The following POLA1 variants were observed in gnomAD, a reference collection of about 807,000 sequenced individuals.
POLA1 encodes the protein DNA polymerase alpha 1, catalytic subunit, also known as DNA polymerase alpha catalytic subunit.
In POLA1, 15 loss-of-function variants were observed where a neutral mutation model predicts 124.0. That is an observed-to-expected ratio of 0.12 (90% confidence interval 0.08 to 0.19). POLA1 has a LOEUF of 0.19. Ranked by LOEUF, POLA1 falls within the 10% of genes least tolerant of loss-of-function variation. The pLI, the probability that POLA1 is intolerant of heterozygous loss-of-function variation, is 1.00. For missense variants in POLA1, 886 were observed against 1,103.4 expected, an observed-to-expected ratio of 0.80 and a Z score of 2.79; for synonymous variants, 408 against 389.4, an observed-to-expected ratio of 1.05 and a Z score of -0.56.
At chrX:24,989,185 T>G (rs1484701909) in intron 36 of POLA1, among the ~76,000 whole-genome samples, 3 of 111,530 alleles carry the variant, frequency 2.7e-5, no homozygotes, top group African/African-American at 9.8e-5. Flanking sequence ...GGGGGCAGTA[T>G]AAACTTATCA....
At chrX:24,705,063 T>C (rs982089693) in intron 4 of POLA1, among the ~76,000 whole-genome samples, 4 of 111,025 alleles carry the variant, frequency 3.6e-5, no homozygotes, top group African/African-American at 1.3e-4. Flanking sequence ...TACTGAGTGG[T>C]AGATTGGGGT....
intron 36 of POLA1, among the ~76,000 whole-genome samples, chrX:24,985,073 A>G (rs1245771591): frequency 8.9e-6 from 1 of 112,040 alleles, no homozygotes; most frequent in Non-Finnish European, 1.9e-5. Context: ...GGCGTTGTGA[A>G]AAGCCTCTTT....
intron 24 of POLA1, among the ~76,000 whole-genome samples, chrX:24,746,968 A>G (rs1455016600): frequency 2.7e-5 from 3 of 111,657 alleles, no homozygotes; most frequent in Non-Finnish European, 5.6e-5. Context: ...AAAATGGTCT[A>G]ATGCTTCCCC....
intron 36 of POLA1, among the ~76,000 whole-genome samples, chrX:24,976,730 T>A (rs73473549): frequency 0.042 from 4,711 of 112,332 alleles, 249 homozygotes; most frequent in African/African-American, 0.14. Context: ...AGTTCATATG[T>A]CTGGTTACAA....
intron 36 of POLA1, among the ~76,000 whole-genome samples, chrX:24,938,529 T>C (rs1569369453): frequency 8.9e-6 from 1 of 112,433 alleles, no homozygotes; most frequent in East Asian, 2.8e-4. Flanking sequence ...ATTACAACAT[T>C]GATTTAGTAG....
intron 36 of POLA1, among the ~76,000 whole-genome samples, chrX:24,951,462 C>G (rs2048043228): frequency 9.5e-6 from 1 of 105,609 alleles, no homozygotes; most frequent in Admixed American, 1.1e-4. Context: ...TTTAGAATAC[C>G]ACATGCTGTA....
rs775831796 is a variant in POLA1 at position 24,740,963 on chromosome X, G to C, written c.2217-412G>C. Among the ~76,000 whole-genome samples, 7 of 111,126 alleles carry C rather than the reference G, an allele frequency of 6.3e-5. No homozygotes were observed. In the East Asian group the frequency reaches 2.0e-3, roughly 31 times the overall value. Reference sequence around the variant, plus strand: ...TCCCCCGTGAGGACATAAGCTCCAGGAGGATAGGAAGTTTTGTTTGTTTTG... The same window carrying C: ...TCCCCCGTGAGGACATAAGCTCCAGCAGGATAGGAAGTTTTGTTTGTTTTG... On this transcript the variant is annotated intron_variant, in intron 20 of 36. Transcript: ENST00000379068.
At position 24,788,604 on chromosome X, in the gene POLA1, C is replaced by T. The variant is rs777568794; in HGVS notation, c.2965-21294C>T. The T allele has an allele frequency of 3.1e-5, 37 of 1,191,661 alleles. No homozygotes were observed. In the Middle Eastern group the frequency reaches 9.6e-4, roughly 31 times the overall value. The stretch of plus-strand genomic sequence containing the variant: ...CTTCTGACGCGCTCCTCTAATTTCG[C>T]CATATCTGTCTCATCATCCCAAGGT... On this transcript the variant is annotated intron_variant, in intron 26 of 36. Transcript: ENST00000379068.
chrX:24,878,332 GCAAA>G (rs1257025641), intron 34 of POLA1, among the ~76,000 whole-genome samples: 12 of 111,484 alleles, frequency 1.1e-4, no homozygotes, highest in Non-Finnish European at 1.9e-4. Context: ...TAGTCTCTGA[GCAAA>G]CAAACAATAA....
intron 34 of POLA1, among the ~76,000 whole-genome samples, chrX:24,868,283 T>C (rs1225462308): frequency 8.9e-6 from 1 of 112,176 alleles, no homozygotes; most frequent in Non-Finnish European, 1.9e-5. Flanking sequence ...GGTTGTTTGG[T>C]AGAAGATTGT....
At chrX:24,822,514 T>G (rs1352315499) in intron 31 of POLA1, among the ~76,000 whole-genome samples, 1 of 112,621 alleles carries the variant, frequency 8.9e-6, no homozygotes, top group Non-Finnish European at 1.9e-5. Flanking sequence ...AATCAGAGTC[T>G]TTTGAAAATT....
intron 26 of POLA1, among the ~76,000 whole-genome samples, chrX:24,757,435 A>AATTTTTTTTTTTTTTTTTTTTT (rs1569298336): frequency 1.5e-5 from 1 of 64,642 alleles, no homozygotes; most frequent in African/African-American, 1.2e-4. Flanking sequence ...AAAATCTGAA[A>AATTTTTTTTTTTTTTTTTTTTT]CTTTTTTTTT....
At chrX:24,747,013 A>C (rs1185104689) in intron 24 of POLA1, among the ~76,000 whole-genome samples, 1 of 111,829 alleles carries the variant, frequency 8.9e-6, no homozygotes, top group African/African-American at 3.3e-5. Flanking sequence ...ATATAAGAAG[A>C]CTGCTGGTTG....
chrX:24,710,978 A>C (rs1176914233), intron 4 of POLA1, among the ~76,000 whole-genome samples: 2 of 108,886 alleles, frequency 1.8e-5, no homozygotes, highest in African/African-American at 3.4e-5. Context: ...ATGTATTTTT[A>C]TTTCCTTTTC....
chrX:24,715,345 G>A, intron 6 of POLA1, 142 bp downstream of exon 6: 1 of 377,756 alleles, frequency 2.6e-6, no homozygotes, highest in Non-Finnish European at 4.5e-6. Flanking sequence ...AGGCTGGTGT[G>A]CAGTGGTGCG....
At chrX:24,942,045 A>G (rs1040234485) in intron 36 of POLA1, among the ~76,000 whole-genome samples, 5 of 112,012 alleles carry the variant, frequency 4.5e-5, no homozygotes, top group African/African-American at 6.5e-5. Flanking sequence ...GCAAATATGT[A>G]TTGGGTCTCT....
chrX:24,735,375 G>A (rs1931210347), intron 17 of POLA1, 24 bp from the exon 18 acceptor site: 2 of 1,008,979 alleles, frequency 2.0e-6, no homozygotes, highest in Non-Finnish European at 2.8e-6. Context: ...AGTCGTCAGT[G>A]ACTGGTGTGT....
intron 26 of POLA1, among the ~76,000 whole-genome samples, chrX:24,804,415 A>G (rs1163027325): frequency 9.0e-6 from 1 of 111,481 alleles, no homozygotes; most frequent in Non-Finnish European, 1.9e-5. Flanking sequence ...TAGCCTTCAA[A>G]ACCATTTATA....
chrX:24,990,796 A>G (rs2048526697), intron 36 of POLA1, among the ~76,000 whole-genome samples: 1 of 111,916 alleles, frequency 8.9e-6, no homozygotes, highest in Non-Finnish European at 1.9e-5. Context: ...TAAATGCTCC[A>G]CCTGCTGGGA....
Sources: gnomAD v4.1 joint callset for allele counts (sites outside exome capture counted in the v4.1 genomes callset) on GRCh38, gnomAD v4.1.1 for gene constraint, MANE v1.5 for transcripts, NCBI Gene and HGNC (gene_info 2026-07-23, HGNC 2026-07-21) for gene names.